PLEKHG3: variants seen among roughly 807,000 people sequenced by gnomAD.
PLEKHG3 encodes pleckstrin homology domain-containing family G member 3.
Under a neutral mutation model 94.9 loss-of-function variants are expected in PLEKHG3, and 62 were observed. The ratio of observed to expected loss-of-function variants is 0.65; its 90% CI spans 0.53 to 0.81. The LOEUF is 0.81. Among genes scored for constraint, PLEKHG3 ranks in the 30% least tolerant of loss-of-function variants. The pLI, the probability that PLEKHG3 is intolerant of heterozygous loss-of-function variation, is 0.00. For missense variants in PLEKHG3, 1,461 were observed against 1,619.3 expected, an observed-to-expected ratio of 0.90 and a Z score of 1.68; for synonymous variants, 614 against 654.0, an observed-to-expected ratio of 0.94 and a Z score of 0.93.
rs1190342063 is a variant in PLEKHG3 at position 64,742,682 on chromosome 14, C to T, written c.2938+227C>T. Among the ~76,000 whole-genome samples the T allele has an allele frequency of 6.6e-5, 10 of 152,342 alleles. No individual in the cohort carries two copies. In the South Asian group the frequency reaches 2.1e-3, roughly 32 times the overall value. On this transcript the variant is annotated intron_variant, in intron 16 of 16. Coordinates refer to ENST00000247226, the MANE Select transcript of PLEKHG3 (RefSeq NM_001308147.2). Reference sequence around the variant, plus strand: ...CCTTTTGATGCCCTCTGCTCTGGCCCTTCCCATCCAGCAGAGGCTTCTGGA... The same window carrying T: ...CCTTTTGATGCCCTCTGCTCTGGCCTTTCCCATCCAGCAGAGGCTTCTGGA...
Position 64,705,761 on chromosome 14 carries a change from C to T in PLEKHG3, c.-40+1057C>T, listed in dbSNP as rs114638994. 7.7e-4 allele frequency among the ~76,000 whole-genome samples: 118 copies of T among 152,322 alleles called. 1 individual carries two copies. The highest frequency in any genetic ancestry group is 2.6e-3 in the African/African-American group (109 of 41,572). ...CCTCGCCTTCAGCAGTGTGGTTTTC[C>T]GGGCCATCCTTTGTTGGACAAGGAT... On this transcript the variant is annotated intron_variant, in intron 1 of 16. Transcript: ENST00000247226.
chr14:64,727,842 G>T lies in PLEKHG3; in HGVS notation c.211G>T (p.Val71Leu), dbSNP rs758679699. The T allele has an allele frequency of 6.2e-7, 1 of 1,613,274 alleles. No individual in the cohort carries two copies. Among genetic ancestry groups the T allele is most frequent in the Non-Finnish European group, 8.5e-7 (1 of 1,179,472 alleles). Residue 71 changes from valine to leucine, a missense_variant, in exon 2 of 17, where the codon GTG becomes TTG. Coordinates refer to ENST00000247226, the MANE Select transcript of PLEKHG3 (RefSeq NM_001308147.2). This position sits in a 1 kb window ranked among gnomAD's most constrained non-coding sequence, Gnocchi z 6.0. The stretch of plus-strand genomic sequence containing the variant: ...CAACAACTCCAGCAGCTGGTTGAAC[G>T]TGAAGGGGCCCCTCTCCCCGTTCAA... ...SNNNSSSWLNVKGPLSPFNSR... is the reference protein window; with the variant it reads ...SNNNSSSWLNLKGPLSPFNSR...
intron 1 of PLEKHG3, among the ~76,000 whole-genome samples, chr14:64,710,312 C>A (rs1566689925): frequency 6.6e-6 from 1 of 152,122 alleles, no homozygotes; most frequent in Admixed American, 6.5e-5. Context: ...CTTCTCAGAC[C>A]CTGTTTAACT....
rs2081327573 is a variant in PLEKHG3, at chr14:64,725,106, T to A, written c.-39-2487T>A. Among the ~76,000 whole-genome samples, 1 of 152,198 alleles carries A rather than the reference T, an allele frequency of 6.6e-6. No individual in the cohort carries two copies. Among genetic ancestry groups the A allele is most frequent in the African/African-American group, 2.4e-5 (1 of 41,446 alleles). The stretch of plus-strand genomic sequence containing the variant: ...ATTAGTTTCTGGGTTTGAAGTGTGC[T>A]TATGTTGCTATCCTCTTACAGTGGG... On this transcript the variant is annotated intron_variant, in intron 1 of 16. Transcript: ENST00000247226. The surrounding 1 kb of genome is among the most constrained non-coding windows in gnomAD (Gnocchi z 5.0).
intron 1 of PLEKHG3, among the ~76,000 whole-genome samples, chr14:64,719,327 A>G (rs2081223900): frequency 6.6e-6 from 1 of 151,782 alleles, no homozygotes; most frequent in Admixed American, 6.6e-5. Flanking sequence ...TAAGTGATTT[A>G]TCCGTTATCA....
rs2081377451 is a variant in PLEKHG3, at chr14:64,727,643, C to T, written c.12C>T (p.Ser4=). 1.9e-6 allele frequency: 3 copies of T among 1,610,104 alleles called. No individual in the cohort carries two copies. In the South Asian group the frequency reaches 3.3e-5, roughly 18 times the overall value. The change falls in exon 2 of 17, where the codon TCC becomes TCT. Residue 4 remains serine (S), a synonymous_variant. Coordinates refer to ENST00000247226, the MANE Select transcript of PLEKHG3 (RefSeq NM_001308147.2). The surrounding 1 kb of genome is among the most constrained non-coding windows in gnomAD (Gnocchi z 6.0). ...GCAGCAATGCCAGGATGCCTGTGTC[C>T]ACCTCCCTCCACCAGGATGGCAGCC... MPV[S]TSLHQDGSQE...
rs1985466 is a variant in PLEKHG3, at chr14:64,723,791, A to G, written c.-39-3802A>G. 0.16 allele frequency: 24,578 copies of G among 152,248 alleles called. 2,133 individuals are homozygous for G. Among genetic ancestry groups the G allele is most frequent in the African/African-American group, 0.22 (9,105 of 41,484 alleles). The allele number at this position is 152,248 out of a possible 1,614,324, so 9.4% of individuals were successfully genotyped here. A position where few individuals can be genotyped will look rare whatever the true frequency, so the allele number is the denominator to read the frequency against. The stretch of plus-strand genomic sequence containing the variant: ...GCTGGGATTACAGGCGTGAGCCATC[A>G]TGCCTGGCCGAGAAAGCGAGTTTTC... On this transcript the variant is annotated intron_variant, in intron 1 of 16. Transcript: ENST00000247226. This position sits in a 1 kb window ranked among gnomAD's most constrained non-coding sequence, Gnocchi z 4.5.
intron 1 of PLEKHG3, among the ~76,000 whole-genome samples, chr14:64,713,985 CT>C (rs1013389072): frequency 2.3e-4 from 35 of 152,216 alleles, no homozygotes; most frequent in African/African-American, 7.5e-4. Flanking sequence ...TCCTTACCCC[CT>C]ATACTACCAT....
At chr14:64,713,395 G>A (rs758406397) in intron 1 of PLEKHG3, among the ~76,000 whole-genome samples, 3 of 152,140 alleles carry the variant, frequency 2.0e-5, no homozygotes, top group African/African-American at 4.8e-5. Flanking sequence ...TAAATGTTTG[G>A]TAGACTTCAC....
Position 64,744,461 on chromosome 14 carries a change from T to G in PLEKHG3, c.*758T>G, listed in dbSNP as rs1052605409. ...GTTCCTTCCACACTCAATTGTCACT[T>G]GGGCTTATGAAACATAAGGCACCCG... On this transcript the variant is annotated 3_prime_UTR_variant, in exon 17 of 17. Coordinates refer to ENST00000247226, the MANE Select transcript of PLEKHG3 (RefSeq NM_001308147.2). The G allele has an allele frequency of 2.0e-5, 3 of 152,430 alleles. No individual in the cohort carries two copies. Among genetic ancestry groups the G allele is most frequent in the African/African-American group, 7.2e-5 (3 of 41,442 alleles). 9.4% of individuals were successfully genotyped at this position (152,430 alleles called of 1,614,324 possible). A position where few individuals can be genotyped will look rare whatever the true frequency, so the allele number is the denominator to read the frequency against.
intron 1 of PLEKHG3, among the ~76,000 whole-genome samples, chr14:64,712,634 A>G (rs1231029834): frequency 6.6e-6 from 1 of 152,212 alleles, no homozygotes; most frequent in Non-Finnish European, 1.5e-5. Flanking sequence ...AGTGTACAGG[A>G]ATAAAATAGA....
chr14:64,736,879 C>A lies in PLEKHG3; in HGVS notation c.1372C>A (p.Leu458Ile), dbSNP rs765499000. 5.6e-6 allele frequency: 9 copies of A among 1,613,148 alleles called. No homozygotes were observed. The highest frequency in any genetic ancestry group is 7.6e-6 in the Non-Finnish European group (9 of 1,179,188). Residue 458 changes from leucine to isoleucine, a missense_variant, in exon 13 of 17, where the codon CTC becomes ATC. By Grantham distance (5) the Leu-to-Ile change is conservative. Transcript: ENST00000247226. ...GCCAACCAAACACCTGCTCAGGCAA[C>A]TCAACGAGAAAGGTGAGTGTGTGAG... ...SEPTKHLLRQ[L>I]NEKARAAGMK...
chr14:64,730,846 A>G lies in PLEKHG3; in HGVS notation c.614A>G (p.Lys205Arg), dbSNP rs1446323200. ...TECMRDKQQA[K>R]FFRDRQELLQ... is the part of the protein sequence containing the mutation. The stretch of plus-strand genomic sequence containing the variant: ...TGCATGCGGGACAAGCAGCAGGCCA[A>G]GTTCTTTCGGGACCGGCAGGAGCTG... Residue 205 changes from lysine to arginine, a missense_variant, in exon 6 of 17, where the codon AAG (lysine) becomes AGG (arginine). Transcript: ENST00000247226. This position sits in a 1 kb window ranked among gnomAD's most constrained non-coding sequence, Gnocchi z 5.4. 24 of 1,613,546 alleles carry G rather than the reference A, an allele frequency of 1.5e-5. 1 individual carries two copies. Among genetic ancestry groups the G allele is most frequent in the African/African-American group, 9.3e-5 (7 of 75,042 alleles).
chr14:64,716,117 C>T lies in PLEKHG3; in HGVS notation c.-40+11413C>T, dbSNP rs1165117742. 2.2e-6 allele frequency: 1 copy of T among 454,206 alleles called. No individual in the cohort carries two copies. Among genetic ancestry groups the T allele is most frequent in the Non-Finnish European group, 4.4e-6 (1 of 225,378 alleles). The allele number at this position is 454,206 out of a possible 1,614,324, so 28.1% of individuals were successfully genotyped here. On this transcript the variant is annotated intron_variant, in intron 1 of 16. Transcript: ENST00000247226. The surrounding 1 kb of genome is among the most constrained non-coding windows in gnomAD (Gnocchi z 5.0). ...GGTAGGTACCCGGCTGGGGCCAGGC[C>T]AGGGGATGGGAATGGGGTGGGATGG...
In PLEKHG3 at chr14:64,749,965, G is replaced by T. The variant is rs775616758; in HGVS notation, c.*6262G>T. On this transcript the variant is annotated 3_prime_UTR_variant, in exon 17 of 17. Transcript: ENST00000247226. The surrounding 1 kb of genome is among the most constrained non-coding windows in gnomAD (Gnocchi z 4.7). ...AAGCCATCAACCCGAGCTTTCAAAG[G>T]CCAGGAAGGCCTCACCTCAGCTTAA... is the stretch of plus-strand genomic sequence containing the variant. The T allele has an allele frequency of 1.4e-5, 23 of 1,614,060 alleles. No individual in the cohort carries two copies. The highest frequency in any genetic ancestry group is 1.9e-5 in the Non-Finnish European group (22 of 1,180,048).
chr14:64,735,701 A>G (rs980268755), intron 12 of PLEKHG3, among the ~76,000 whole-genome samples: 1 of 151,844 alleles, frequency 6.6e-6, no homozygotes, highest in Non-Finnish European at 1.5e-5. Context: ...GAAAGTCACT[A>G]GGGAGGGACT....
In PLEKHG3 at chr14:64,749,771, C is replaced by A. The variant is rs944042400; in HGVS notation, c.*6068C>A. The A allele has an allele frequency of 6.4e-7, 1 of 1,572,670 alleles. No homozygotes were observed. Among genetic ancestry groups the A allele is most frequent in the Non-Finnish European group, 8.7e-7 (1 of 1,152,546 alleles). On this transcript the variant is annotated 3_prime_UTR_variant, in exon 17 of 17. Transcript: ENST00000247226. The surrounding 1 kb of genome is among the most constrained non-coding windows in gnomAD (Gnocchi z 4.7). ...CTGGGCAGAGGGCTGGCTCTGATCC[C>A]ACAATACCCTGAGCCGAACATCCAG...
rs1485177138 is a variant in PLEKHG3, at chr14:64,715,199, A to G, written c.-40+10495A>G. On this transcript the variant is annotated intron_variant, in intron 1 of 16. Transcript: ENST00000247226. This position sits in a 1 kb window ranked among gnomAD's most constrained non-coding sequence, Gnocchi z 4.4. ...TTGCCCCATACTCTAGGAACTTGTG[A>G]GCAAAAAGTGTTACTTGTAAAAAAA... Among the ~76,000 whole-genome samples, 1 of 152,130 alleles carries G rather than the reference A, an allele frequency of 6.6e-6. No individual in the cohort carries two copies. The highest frequency in any genetic ancestry group is 1.5e-5 in the Non-Finnish European group (1 of 68,020).
chr14:64,719,739 T>C (rs2081230903), intron 1 of PLEKHG3, among the ~76,000 whole-genome samples: 1 of 151,584 alleles, frequency 6.6e-6, no homozygotes, highest in African/African-American at 2.4e-5. Context: ...AAAATGCAGC[T>C]TCCTCCTACC....
Sources: gnomAD v4.1 joint callset for allele counts (sites outside exome capture counted in the v4.1 genomes callset) on GRCh38, gnomAD v4.1.1 for gene constraint, Gnocchi (gnomAD v3.1) non-coding constraint, MANE v1.5 for transcripts, NCBI Gene and HGNC (gene_info 2026-07-23, HGNC 2026-07-21) for gene names.